The following TBC1D1 variants were observed in gnomAD, a reference collection of about 807,000 sequenced individuals.
TBC1D1 encodes the protein TBC1 domain family member 1, also known as TBC1 (tre-2/USP6, BUB2, cdc16) domain family, member 1.
In TBC1D1, 89 loss-of-function variants were observed where a neutral mutation model predicts 125.6. The observed-to-expected ratio is 0.71, with a 90% CI of 0.60 to 0.85. TBC1D1 has a LOEUF of 0.85. Ranked by LOEUF, TBC1D1 falls within the 40% of genes least tolerant of loss-of-function variation. TBC1D1 has a pLI of 0.00. For synonymous variants in TBC1D1, 565 were observed against 564.1 expected, an observed-to-expected ratio of 1.00 and a Z score of -0.02; for missense variants, 1,377 against 1,469.2, an observed-to-expected ratio of 0.94 and a Z score of 1.03.
intron 2 of TBC1D1, among the ~76,000 whole-genome samples, chr4:38,000,157 G>C (rs932259403): frequency 6.6e-6 from 1 of 152,100 alleles, no homozygotes; most frequent in African/African-American, 2.4e-5. Context: ...TGGCTTTATT[G>C]CATTATTCAT....
rs563257179 is a variant in TBC1D1 at position 38,102,991 on chromosome 4, T to G, written c.2399-8T>G. On this transcript the variant is annotated splice_polypyrimidine_tract_variant and splice_region_variant and intron_variant, in intron 14 of 19. Transcript: ENST00000261439. ...AAATTATTTCCATGTCTTCTCTCCCTTTTAAAGGTGTGCCACGTCATCACC... is the reference window on the plus strand; with the variant it reads ...AAATTATTTCCATGTCTTCTCTCCCGTTTAAAGGTGTGCCACGTCATCACC... The G allele has an allele frequency of 3.5e-5, 56 of 1,612,050 alleles. No individual in the cohort carries two copies. In the South Asian group the frequency reaches 4.7e-4, roughly 14 times the overall value.
intron 2 of TBC1D1, among the ~76,000 whole-genome samples, chr4:38,002,916 G>A (rs1739356461): frequency 6.6e-6 from 1 of 152,170 alleles, no homozygotes; most frequent in Non-Finnish European, 1.5e-5. Flanking sequence ...ACCAGTTTAA[G>A]AAAGCAGATG....
chr4:38,051,836 C>G, intron 11 of TBC1D1, 63 bp from the exon 12 acceptor site: 1 of 1,497,868 alleles, frequency 6.7e-7, no homozygotes, highest in Non-Finnish European at 9.0e-7. Context: ...CTGTTTGCTC[C>G]GTGTCCCTGT....
At chr4:38,027,945 G>A in intron 7 of TBC1D1, 66 bp downstream of exon 7, 1 of 1,268,320 alleles carries the variant, frequency 7.9e-7, no homozygotes, top group South Asian at 1.4e-5. Flanking sequence ...GAAATGCTAT[G>A]TGTAAAAAAT....
chr4:38,063,147 C>T (rs1052618656), intron 12 of TBC1D1, among the ~76,000 whole-genome samples: 2 of 152,138 alleles, frequency 1.3e-5, no homozygotes, highest in Non-Finnish European at 2.9e-5. Context: ...AAGTGAATGA[C>T]GAGTAGTTTG....
chr4:37,996,173 C>T, intron 2 of TBC1D1: 1 of 373,136 alleles, frequency 2.7e-6, no homozygotes, highest in Non-Finnish European at 5.5e-6. Flanking sequence ...GTGTGGGCCT[C>T]CCTGCTCAGG....
At chr4:38,099,749 G>A (rs12499433) in intron 14 of TBC1D1, among the ~76,000 whole-genome samples, 30,311 of 152,122 alleles carry the variant, frequency 0.2, 3,928 homozygotes, top group African/African-American at 0.37. Flanking sequence ...TCTTGGGTTA[G>A]GAGTGAAGGC....
chr4:38,029,521 C>A (rs1358482037), intron 7 of TBC1D1, among the ~76,000 whole-genome samples: 1 of 152,188 alleles, frequency 6.6e-6, no homozygotes, highest in Non-Finnish European at 1.5e-5. Context: ...CCGCCTGCCA[C>A]CACCACACTG....
chr4:38,112,769 C>T (rs943592763), intron 15 of TBC1D1, among the ~76,000 whole-genome samples: 3 of 152,174 alleles, frequency 2.0e-5, no homozygotes, highest in African/African-American at 7.2e-5. Context: ...GACCCTGGCT[C>T]CAGGGACTAT....
intron 6 of TBC1D1, among the ~76,000 whole-genome samples, chr4:38,023,278 T>C (rs921096094): frequency 1.3e-5 from 2 of 151,674 alleles, no homozygotes; most frequent in Admixed American, 1.3e-4. Flanking sequence ...TATTATAAGC[T>C]ATAAGTTTGC....
At chr4:37,957,532 T>C (rs1433416296) in intron 2 of TBC1D1, among the ~76,000 whole-genome samples, 1 of 152,102 alleles carries the variant, frequency 6.6e-6, no homozygotes, top group Non-Finnish European at 1.5e-5. Context: ...GGCAGGAGGA[T>C]TGCCTGAGCC....
At chr4:38,096,152 TG>T (rs1759297992) in intron 14 of TBC1D1, 62 bp downstream of exon 16, 1 of 1,440,318 alleles carries the variant, frequency 6.9e-7, no homozygotes, top group African/African-American at 1.4e-5. Context: ...GGGAGAAGTG[TG>T]GAATTAAAAA....
chr4:38,051,827 T>C (rs1750608785), intron 11 of TBC1D1, 72 bp from the exon 12 acceptor site: 3 of 1,457,774 alleles, frequency 2.1e-6, no homozygotes, highest in Non-Finnish European at 2.8e-6. Flanking sequence ...TCCTTCCACC[T>C]GTTTGCTCCG....
chr4:38,056,820 A>G (rs1751800341), intron 12 of TBC1D1, among the ~76,000 whole-genome samples: 1 of 151,874 alleles, frequency 6.6e-6, no homozygotes, highest in Non-Finnish European at 1.5e-5. Context: ...GGGGTGGGGG[A>G]GTCATGTCTA....
intron 9 of TBC1D1, among the ~76,000 whole-genome samples, chr4:38,045,479 G>A (rs1359107188): frequency 6.6e-6 from 1 of 152,168 alleles, no homozygotes; most frequent in Non-Finnish European, 1.5e-5. Flanking sequence ...CATGCGGCTG[G>A]CCGTTATGAT....
intron 17 of TBC1D1, 112 bp downstream of exon 19, chr4:38,118,304 C>A: frequency 7.7e-7 from 1 of 1,302,902 alleles, no homozygotes; most frequent in Non-Finnish European, 1.1e-6. Context: ...CTTACCAGAA[C>A]AGGGTATTGT....
chr4:37,978,410 G>A (rs1203851037), intron 2 of TBC1D1, among the ~76,000 whole-genome samples: 1 of 152,200 alleles, frequency 6.6e-6, no homozygotes, highest in Non-Finnish European at 1.5e-5. Flanking sequence ...ATGGCTGGTT[G>A]AGTAATAAGC....
At chr4:37,972,904 A>C (rs1215177597) in intron 2 of TBC1D1, among the ~76,000 whole-genome samples, 1 of 33,378 alleles carries the variant, frequency 3.0e-5, no homozygotes, top group Non-Finnish European at 7.1e-5. Context: ...CTCCATCTCC[A>C]AAAAAAAAAA....
intron 2 of TBC1D1, among the ~76,000 whole-genome samples, chr4:37,909,021 G>T (rs1025525260): frequency 2.0e-5 from 3 of 152,206 alleles, no homozygotes; most frequent in African/African-American, 7.2e-5. Context: ...AGACTGAACC[G>T]TGTGGGCTCC....
Sources: allele counts gnomAD v4.1 joint callset (sites outside exome capture counted in the v4.1 genomes callset), GRCh38; gene constraint gnomAD v4.1.1; transcripts MANE v1.5; gene names NCBI Gene and HGNC (gene_info 2026-07-23, HGNC 2026-07-21).